The following CTNNA3 variants were observed in gnomAD, a reference collection of about 807,000 sequenced individuals.
The protein encoded by CTNNA3 is catenin alpha-3.
CTNNA3 carries 76 observed loss-of-function variants against 95.7 expected under a neutral mutation model. That is an observed-to-expected ratio of 0.79 (90% CI 0.66 to 0.96). CTNNA3 has a LOEUF of 0.96. CTNNA3 is among the 40% of genes least tolerant of loss of function. CTNNA3 has a pLI of 0.00. For missense variants in CTNNA3, 1,191 were observed against 1,089.8 expected (o/e 1.09, Z -1.31); for synonymous variants, 431 against 374.4 (o/e 1.15, Z -1.74).
At chr10:67,223,858 TAG>T (rs1346386056) in intron 5 of CTNNA3, among the ~76,000 whole-genome samples, 1 of 152,110 alleles carries the variant, frequency 6.6e-6, no homozygotes, top group Admixed American at 6.5e-5. Context: ...GGAACTAAAA[TAG>T]AGTTACCCAC....
At chr10:66,465,994 A>T (rs72791564) in intron 11 of CTNNA3, among the ~76,000 whole-genome samples, 137 of 152,230 alleles carry the variant, frequency 9.0e-4, no homozygotes, top group Non-Finnish European at 1.5e-3. Context: ...TATTTGGCTA[A>T]ACATGTCTGG....
intron 5 of CTNNA3, among the ~76,000 whole-genome samples, chr10:67,373,514 A>G (rs1488393877): frequency 2.0e-5 from 3 of 152,200 alleles, no homozygotes; most frequent in African/African-American, 7.2e-5. Flanking sequence ...AGACTCCCAC[A>G]CAACAATAAT....
intron 9 of CTNNA3, among the ~76,000 whole-genome samples, chr10:66,696,870 T>C (rs1847784842): frequency 6.6e-6 from 1 of 152,032 alleles, no homozygotes; most frequent in East Asian, 1.9e-4. Flanking sequence ...TCCCAGGAGG[T>C]TGAGGCGGCA....
chr10:67,357,742 A>G (rs1842863865), intron 5 of CTNNA3, among the ~76,000 whole-genome samples: 1 of 152,128 alleles, frequency 6.6e-6, no homozygotes, highest in South Asian at 2.1e-4. Flanking sequence ...ATGCAAGAAT[A>G]GCAAGGGAAG....
chr10:66,098,592 T>A (rs924229379), intron 14 of CTNNA3: 30 of 152,330 alleles, frequency 2.0e-4, no homozygotes, highest in African/African-American at 7.0e-4. Context: ...CTTACAAACA[T>A]CTTATTAATA....
intron 7 of CTNNA3, among the ~76,000 whole-genome samples, chr10:66,989,093 A>T (rs1850894520): frequency 6.6e-6 from 1 of 152,016 alleles, no homozygotes; most frequent in African/African-American, 2.4e-5. Context: ...TATTTCCTGG[A>T]AATTGTATCT....
At chr10:67,539,456 T>C in intron 4 of CTNNA3, 47 bp downstream of exon 4, 1 of 1,598,604 alleles carries the variant, frequency 6.3e-7, no homozygotes, top group African/African-American at 1.3e-5. Flanking sequence ...AGAATGAAAT[T>C]AGAAGTGAAG....
At chr10:67,451,955 G>A (rs1196951964) in intron 5 of CTNNA3, among the ~76,000 whole-genome samples, 1 of 151,018 alleles carries the variant, frequency 6.6e-6, no homozygotes, top group Non-Finnish European at 1.5e-5. Flanking sequence ...ACAATGATCC[G>A]TGTTGTGATA....
At chr10:66,513,583 C>T (rs889112061) in intron 11 of CTNNA3, among the ~76,000 whole-genome samples, 1 of 152,066 alleles carries the variant, frequency 6.6e-6, no homozygotes, top group African/African-American at 2.4e-5. Flanking sequence ...ATTGCTGGGC[C>T]AAGTTTGCTG....
chr10:66,881,487 C>T (rs1464408127), intron 7 of CTNNA3, among the ~76,000 whole-genome samples: 1 of 152,086 alleles, frequency 6.6e-6, no homozygotes, highest in Non-Finnish European at 1.5e-5. Flanking sequence ...CTTCAGTGAT[C>T]AATTGAGGAC....
intron 7 of CTNNA3, among the ~76,000 whole-genome samples, chr10:66,858,857 T>C (rs998342554): frequency 6.6e-6 from 1 of 151,956 alleles, no homozygotes; most frequent in Non-Finnish European, 1.5e-5. Context: ...TGATCTTTTG[T>C]ATGGTTTTTC....
intron 13 of CTNNA3, among the ~76,000 whole-genome samples, chr10:66,199,589 T>C (rs1180037848): frequency 6.7e-6 from 1 of 150,304 alleles, no homozygotes; most frequent in Non-Finnish European, 1.5e-5. Context: ...CCAAATAGTT[T>C]GTTTGTTTGT....
Position 67,505,709 on chromosome 10 carries a change from G to A in CTNNA3, c.579+16133C>T, listed in dbSNP as rs569424355. Reference sequence around the variant, plus strand: ...CACTTGGAAAATCAGTCACAAGTCAGCTGTTAATGCTGTGTGGATGCAACC... The same window carrying A: ...CACTTGGAAAATCAGTCACAAGTCAACTGTTAATGCTGTGTGGATGCAACC... On this transcript the variant is annotated intron_variant, in intron 5 of 17. Transcript: ENST00000433211. Among the ~76,000 whole-genome samples, 173 of 152,298 alleles carry A rather than the reference G, an allele frequency of 1.1e-3. 5 individuals carry two copies. In the South Asian group the frequency reaches 0.034, roughly 30 times the overall value.
chr10:66,878,125 C>T (rs529522311), intron 7 of CTNNA3, among the ~76,000 whole-genome samples: 3 of 152,282 alleles, frequency 2.0e-5, no homozygotes, highest in East Asian at 1.9e-4. Context: ...CCACTCACCA[C>T]TTCCATTGTC....
At chr10:67,314,333 T>C (rs149846576) in intron 5 of CTNNA3, among the ~76,000 whole-genome samples, 2 of 152,308 alleles carry the variant, frequency 1.3e-5, no homozygotes, top group African/African-American at 4.8e-5. Flanking sequence ...TGAGGTCAAG[T>C]ATGGAATTCA....
intron 5 of CTNNA3, among the ~76,000 whole-genome samples, chr10:67,248,090 G>A (rs935493341): frequency 6.6e-5 from 10 of 152,092 alleles, no homozygotes; most frequent in Non-Finnish European, 1.5e-4. Flanking sequence ...GGAAGCTCAC[G>A]GCAGGTGGAT....
chr10:66,685,759 T>C (rs1847275967), intron 9 of CTNNA3, among the ~76,000 whole-genome samples: 1 of 152,074 alleles, frequency 6.6e-6, no homozygotes, highest in Admixed American at 6.6e-5. Flanking sequence ...TGTAGGCTTC[T>C]CTCTTTACCA....
intron 6 of CTNNA3, among the ~76,000 whole-genome samples, chr10:67,199,332 A>T (rs1163557194): frequency 2.1e-5 from 3 of 139,562 alleles, no homozygotes; most frequent in Admixed American, 6.8e-5. Flanking sequence ...AGAAAATTTT[A>T]AATGGCTACA....
intron 12 of CTNNA3, among the ~76,000 whole-genome samples, chr10:66,290,401 T>C (rs868308840): frequency 3.3e-5 from 5 of 152,226 alleles, no homozygotes; most frequent in Middle Eastern, 6.8e-3. Context: ...TGGTTCATAT[T>C]ACCTACTAAA....
Sources: allele counts gnomAD v4.1 joint callset (sites outside exome capture counted in the v4.1 genomes callset), GRCh38; gene constraint gnomAD v4.1.1; transcripts MANE v1.5; gene names NCBI Gene and HGNC (gene_info 2026-07-23, HGNC 2026-07-21).